GALNT13: variants seen among roughly 807,000 people sequenced by gnomAD.
The protein encoded by GALNT13 is polypeptide N-acetylgalactosaminyltransferase 13.
In GALNT13, 28 loss-of-function variants were observed where a neutral mutation model predicts 64.2. The observed-to-expected ratio is 0.44, with a 90% CI of 0.32 to 0.60. The LOEUF (loss-of-function observed/expected upper bound fraction) is 0.60, where lower values mean the gene tolerates loss of function less well. Ranked by LOEUF, GALNT13 falls within the 20% of genes least tolerant of loss-of-function variation. The probability of loss-of-function intolerance (pLI) is 0.05; values close to 1 mark genes in which losing one functional copy is unlikely to be tolerated. For missense variants in GALNT13, 577 were observed against 669.8 expected (o/e 0.86, Z 1.53); for synonymous variants, 214 against 224.6 (o/e 0.95, Z 0.42).
the GALNT13 span, among the ~76,000 whole-genome samples, chr2:153,716,965 T>G: frequency 6.6e-5 from 10 of 152,146 alleles, 1 homozygote; most frequent in African/African-American, 9.6e-5. Context: ...AACCACTGGC[T>G]CTAAACAATG....
the GALNT13 span, among the ~76,000 whole-genome samples, chr2:153,509,271 G>A: frequency 6.6e-6 from 1 of 152,342 alleles, no homozygotes; most frequent in East Asian, 1.9e-4. Flanking sequence ...GGCAGCTGCA[G>A]CTGCGTCAGG....
chr2:153,261,318 A>G, the GALNT13 span, among the ~76,000 whole-genome samples: 1 of 152,178 alleles, frequency 6.6e-6, no homozygotes, highest in Admixed American at 6.5e-5. Flanking sequence ...TAGTATTCTC[A>G]GTCTGGACTT....
intron 9 of GALNT13, among the ~76,000 whole-genome samples, chr2:154,351,385 C>G (rs1395081040): frequency 1.3e-5 from 2 of 151,828 alleles, no homozygotes; most frequent in Non-Finnish European, 2.9e-5. Context: ...AAAAAAAATG[C>G]AATAGACCAG....
At chr2:153,362,553 C>CATAAA in the GALNT13 span, among the ~76,000 whole-genome samples, 1 of 80,320 alleles carries the variant, frequency 1.2e-5, no homozygotes, top group African/African-American at 5.2e-5. Context: ...AAATGGAGAG[C>CATAAA]AAAAAAAAAA....
chr2:154,337,358 C>G (rs1446899819), intron 9 of GALNT13, among the ~76,000 whole-genome samples: 1 of 151,900 alleles, frequency 6.6e-6, no homozygotes, highest in Non-Finnish European at 1.5e-5. Flanking sequence ...GAGGAAGGAA[C>G]AGGATTAAGT....
chr2:153,100,984 G>A, the GALNT13 span, among the ~76,000 whole-genome samples: 2 of 141,118 alleles, frequency 1.4e-5, no homozygotes, highest in Admixed American at 7.1e-5. Context: ...AGCCAAGATC[G>A]TGCCACTGTG....
the GALNT13 span, among the ~76,000 whole-genome samples, chr2:153,195,716 T>C: frequency 6.6e-6 from 1 of 152,204 alleles, no homozygotes; most frequent in Non-Finnish European, 1.5e-5. Context: ...CAGCCCTGTG[T>C]GTGTGTTACA....
chr2:153,664,074 C>A, the GALNT13 span, among the ~76,000 whole-genome samples: 1 of 152,152 alleles, frequency 6.6e-6, no homozygotes, highest in East Asian at 1.9e-4. Flanking sequence ...CACGTATTGT[C>A]TTGATAAACA....
chr2:153,973,211 G>A (rs1314677252), intron 3 of GALNT13, among the ~76,000 whole-genome samples: 1 of 151,932 alleles, frequency 6.6e-6, no homozygotes, highest in African/African-American at 2.4e-5. Flanking sequence ...TGAGAGCTTT[G>A]AGGATTCTGA....
the GALNT13 span, among the ~76,000 whole-genome samples, chr2:153,179,393 C>T: frequency 8.5e-3 from 1,298 of 152,216 alleles, 15 homozygotes; most frequent in African/African-American, 0.029. Flanking sequence ...CATTCTCTAT[C>T]CTTTTCCATT....
At chr2:153,940,411 C>G (rs755235177) in intron 2 of GALNT13, among the ~76,000 whole-genome samples, 4 of 151,890 alleles carry the variant, frequency 2.6e-5, no homozygotes, top group Non-Finnish European at 5.9e-5. Flanking sequence ...GAGTCCGCCA[C>G]CACGCCCAGC....
chr2:154,400,802 T>C (rs1159603283), intron 10 of GALNT13, among the ~76,000 whole-genome samples: 1 of 152,152 alleles, frequency 6.6e-6, no homozygotes, highest in Non-Finnish European at 1.5e-5. Flanking sequence ...CTCTCTTAAC[T>C]AGCCCTGAAG....
chr2:153,101,444 T>C, the GALNT13 span, among the ~76,000 whole-genome samples: 2 of 152,208 alleles, frequency 1.3e-5, no homozygotes, highest in South Asian at 4.1e-4. Flanking sequence ...ATACGCTGTT[T>C]GTTATCATCT....
At chr2:153,646,066 A>G in the GALNT13 span, among the ~76,000 whole-genome samples, 18 of 152,076 alleles carry the variant, frequency 1.2e-4, 1 homozygote, top group African/African-American at 4.3e-4. Context: ...AATGCCAAAG[A>G]TGGAGTAGAT....
intron 8 of GALNT13, among the ~76,000 whole-genome samples, chr2:154,294,499 CA>C (rs1275243913): frequency 6.6e-6 from 1 of 152,116 alleles, no homozygotes; most frequent in Non-Finnish European, 1.5e-5. Flanking sequence ...GAAAACAAAA[CA>C]ATATCTTTTC....
intron 3 of GALNT13, among the ~76,000 whole-genome samples, chr2:154,025,779 A>G (rs1234824924): frequency 6.6e-6 from 1 of 152,204 alleles, no homozygotes; most frequent in Non-Finnish European, 1.5e-5. Flanking sequence ...AAGACTAGTA[A>G]GCAATACTTT....
the GALNT13 span, among the ~76,000 whole-genome samples, chr2:153,495,816 C>T: frequency 2.6e-5 from 4 of 152,112 alleles, no homozygotes; most frequent in African/African-American, 7.2e-5. Flanking sequence ...TTTGTGATGG[C>T]TGTTTTCTGT....
intron 12 of GALNT13, chr2:154,446,776 C>A (rs1701603720): frequency 6.8e-7 from 1 of 1,475,978 alleles, no homozygotes; most frequent in Non-Finnish European, 9.0e-7. Flanking sequence ...GTTTGTGTTG[C>A]AGATTTTATT....
At chr2:153,213,273 G>A in the GALNT13 span, among the ~76,000 whole-genome samples, 1 of 152,194 alleles carries the variant, frequency 6.6e-6, no homozygotes, top group Admixed American at 6.5e-5. Context: ...GGTGGATGAT[G>A]CACACACAAT....
Sources: gnomAD v4.1 joint callset for allele counts (sites outside exome capture counted in the v4.1 genomes callset) on GRCh38, gnomAD v4.1.1 for gene constraint, MANE v1.5 for transcripts, NCBI Gene and HGNC (gene_info 2026-07-23, HGNC 2026-07-21) for gene names.